The following LPGAT1 variants were observed in gnomAD, a reference collection of about 807,000 sequenced individuals.
LPGAT1 encodes the protein acyl-CoA:lysophosphatidylglycerol acyltransferase 1.
A neutral mutation model predicts 47.5 loss-of-function variants in LPGAT1; 11 were observed. That is an observed-to-expected ratio of 0.23 (90% CI 0.15 to 0.38). The LOEUF (loss-of-function observed/expected upper bound fraction) is 0.38, where lower values mean the gene tolerates loss of function less well. Ranked by LOEUF, LPGAT1 falls within the 10% of genes least tolerant of loss-of-function variation. The probability of loss-of-function intolerance (pLI) is 1.00; values close to 1 mark genes in which losing one functional copy is unlikely to be tolerated. For missense variants in LPGAT1, 293 were observed against 439.0 expected, an observed-to-expected ratio of 0.67 and a Z score of 2.97; for synonymous variants, 138 against 144.2, an observed-to-expected ratio of 0.96 and a Z score of 0.31.
At chr1:211,803,400 C>T (rs1488294931) in intron 2 of LPGAT1, among the ~76,000 whole-genome samples, 1 of 152,144 alleles carries the variant, frequency 6.6e-6, no homozygotes, top group African/African-American at 2.4e-5. Context: ...GGCTGTATAC[C>T]AGGCTTAGTG....
chr1:211,785,746 A>G (rs1658852885), intron 4 of LPGAT1, among the ~76,000 whole-genome samples: 1 of 151,908 alleles, frequency 6.6e-6, no homozygotes, highest in African/African-American at 2.4e-5. Flanking sequence ...AGCTGGGACT[A>G]CAGGTTCATG....
At chr1:211,815,046 G>A (rs935039620) in intron 2 of LPGAT1, among the ~76,000 whole-genome samples, 5 of 152,044 alleles carry the variant, frequency 3.3e-5, no homozygotes, top group African/African-American at 1.2e-4. Context: ...TCCAAATGGT[G>A]GCATTCCCTC....
intron 6 of LPGAT1, among the ~76,000 whole-genome samples, chr1:211,756,106 C>T (rs117288513): frequency 0.083 from 12,569 of 152,066 alleles, 647 homozygotes; most frequent in Admixed American, 0.15. Flanking sequence ...CATAGTGGCA[C>T]GTGCCTGTAG....
At chr1:211,779,553 T>C (rs893630279) in intron 5 of LPGAT1, among the ~76,000 whole-genome samples, 2 of 152,168 alleles carry the variant, frequency 1.3e-5, no homozygotes, top group Admixed American at 6.5e-5. Flanking sequence ...TTGCTGCTCT[T>C]GTTTAAGACA....
rs1474461522 is a variant in LPGAT1 at position 211,750,950 on chromosome 1, T to C, written c.961+11A>G. 3.2e-6 allele frequency: 5 copies of C among 1,571,632 alleles called. No individual in the cohort carries two copies. Among genetic ancestry groups the C allele is most frequent in the Non-Finnish European group, 4.4e-6 (5 of 1,143,156 alleles). On this transcript the variant is annotated intron_variant, in intron 7 of 7. Transcript: ENST00000366997. ...CTATAATTTAGCAACTATTTAAAGG[T>C]TACTGTGTACCTGTTTCATAAAAAT...
intron 6 of LPGAT1, among the ~76,000 whole-genome samples, chr1:211,778,138 C>T (rs566782754): frequency 1.3e-5 from 2 of 152,150 alleles, no homozygotes; most frequent in Non-Finnish European, 2.9e-5. Flanking sequence ...GTCAGGAGAT[C>T]GAGACCATCC....
chr1:211,744,158 A>G lies in LPGAT1; in HGVS notation c.*5741T>C, dbSNP rs1379225605. 10 of 152,276 alleles carry G rather than the reference A, an allele frequency of 6.6e-5. No homozygotes were observed. The highest frequency in any genetic ancestry group is 5.2e-4 in the Admixed American group (8 of 15,286). 9.4% of individuals were successfully genotyped at this position (152,276 alleles called of 1,614,324 possible). A position where few individuals can be genotyped will look rare whatever the true frequency, so the allele number is the denominator to read the frequency against. ...GCCCTGGCCAGGGTCAGTGATAGGA[A>G]TTTCCTGAGTTCAGCAAGTAGATTA... On this transcript the variant is annotated 3_prime_UTR_variant, in exon 8 of 8. Coordinates refer to ENST00000366997, the MANE Select transcript of LPGAT1 (RefSeq NM_014873.3).
chr1:211,820,360 C>T (rs1442364246), intron 2 of LPGAT1, among the ~76,000 whole-genome samples: 1 of 151,548 alleles, frequency 6.6e-6, no homozygotes, highest in African/African-American at 2.4e-5. Flanking sequence ...TGTCAGAGTA[C>T]ACTAAAAAAA....
At position 211,829,318 on chromosome 1, in the gene LPGAT1, G is replaced by T. The variant is rs779696382; in HGVS notation, c.-22C>A. On this transcript the variant is annotated 5_prime_UTR_variant, in exon 2 of 8. Transcript: ENST00000366997. ...CCATTCTCACACTGGACTCCGTCCT[G>T]TCTTTCTGGGGTGAAAGAAAAATTC... 2 of 1,612,476 alleles carry T rather than the reference G, an allele frequency of 1.2e-6. No homozygotes were observed. Among genetic ancestry groups the T allele is most frequent in the East Asian group, 4.5e-5 (2 of 44,848 alleles).
chr1:211,766,249 G>A (rs1200482068), intron 6 of LPGAT1, among the ~76,000 whole-genome samples: 3 of 152,098 alleles, frequency 2.0e-5, no homozygotes, highest in African/African-American at 4.8e-5. Flanking sequence ...GGACCGGAAC[G>A]ACACCACTGG....
intron 2 of LPGAT1, among the ~76,000 whole-genome samples, chr1:211,812,380 T>A (rs749989856): frequency 1.3e-5 from 2 of 152,146 alleles, no homozygotes; most frequent in African/African-American, 4.8e-5. Flanking sequence ...TGTAAGCATA[T>A]GACACAGAGA....
chr1:211,796,040 C>T (rs1659337457), intron 2 of LPGAT1, among the ~76,000 whole-genome samples: 1 of 151,816 alleles, frequency 6.6e-6, no homozygotes, highest in African/African-American at 2.4e-5. Flanking sequence ...GCAATCTGTG[C>T]TACATGAGTG....
chr1:211,766,279 T>C (rs1657909254), intron 6 of LPGAT1, among the ~76,000 whole-genome samples: 1 of 152,160 alleles, frequency 6.6e-6, no homozygotes, highest in Admixed American at 6.6e-5. Context: ...GCCTCCAGCT[T>C]ACAGACAGCA....
intron 5 of LPGAT1, among the ~76,000 whole-genome samples, chr1:211,781,369 C>T (rs1372244364): frequency 2.0e-5 from 3 of 152,210 alleles, no homozygotes; most frequent in Non-Finnish European, 4.4e-5. Flanking sequence ...TATTTTAGAA[C>T]AGCAGTCTTT....
intron 6 of LPGAT1, among the ~76,000 whole-genome samples, chr1:211,758,357 C>T (rs1571696257): frequency 6.6e-6 from 1 of 152,142 alleles, no homozygotes; most frequent in Non-Finnish European, 1.5e-5. Context: ...TTTGTTTTTA[C>T]CTTTCCTATG....
intron 2 of LPGAT1, among the ~76,000 whole-genome samples, chr1:211,821,122 G>A (rs1211105697): frequency 1.3e-5 from 2 of 152,160 alleles, no homozygotes; most frequent in African/African-American, 4.8e-5. Flanking sequence ...TGGGTGTGGT[G>A]GTGCATGCCT....
intron 2 of LPGAT1, among the ~76,000 whole-genome samples, chr1:211,812,165 T>G (rs1254212478): frequency 1.3e-5 from 2 of 152,224 alleles, no homozygotes; most frequent in African/African-American, 4.8e-5. Flanking sequence ...TGGTTATCTG[T>G]GTTGGCACAG....
In LPGAT1 at chr1:211,793,207, G is replaced by GT; in HGVS notation, c.239-18dup. The stretch of plus-strand genomic sequence containing the variant: ...ATTCCATCACTGTAAGAACAAAAAA[G>GT]TTTCAAAGCTGTCATTTTAAAGATT... On this transcript the variant is annotated splice_polypyrimidine_tract_variant and intron_variant, in intron 2 of 7. Transcript: ENST00000366997. 1 of 1,529,068 alleles carries GT rather than the reference G, an allele frequency of 6.5e-7. No homozygotes were observed. The highest frequency in any genetic ancestry group is 9.0e-7 in the Non-Finnish European group (1 of 1,111,390). 94.7% of individuals were successfully genotyped at this position (1,529,068 alleles called of 1,614,324 possible).
chr1:211,770,294 G>C (rs896481709), intron 6 of LPGAT1, among the ~76,000 whole-genome samples: 5 of 152,136 alleles, frequency 3.3e-5, no homozygotes, highest in African/African-American at 1.2e-4. Flanking sequence ...GCATCGATTT[G>C]TGTGTGTTAA....
Sources: gnomAD v4.1 joint callset for allele counts (sites outside exome capture counted in the v4.1 genomes callset) on GRCh38, gnomAD v4.1.1 for gene constraint, MANE v1.5 for transcripts, NCBI Gene and HGNC (gene_info 2026-07-23, HGNC 2026-07-21) for gene names.